Variants in PCDH7 observed in about 807,000 individuals in gnomAD.
PCDH7 encodes the protein protocadherin 7, also known as protocadherin-7.
PCDH7 carries 17 observed loss-of-function variants against 58.9 expected under a neutral mutation model. The ratio of observed to expected loss-of-function variants is 0.29; its 90% CI spans 0.20 to 0.43. The LOEUF (loss-of-function observed/expected upper bound fraction) is 0.43. Among genes scored for constraint, PCDH7 ranks in the 20% least tolerant of loss-of-function variants. The probability of loss-of-function intolerance (pLI) is 1.00; values close to 1 mark genes in which losing one functional copy is unlikely to be tolerated. For synonymous variants in PCDH7, 664 were observed against 616.4 expected, an observed-to-expected ratio of 1.08 and a Z score of -1.14; for missense variants, 1,274 against 1,441.0, an observed-to-expected ratio of 0.88 and a Z score of 1.88.
At chr4:30,866,697 C>CAAA (rs201849602) in intron 1 of PCDH7, among the ~76,000 whole-genome samples, 1 of 127,868 alleles carries the variant, frequency 7.8e-6, no homozygotes, top group African/African-American at 2.8e-5. Flanking sequence ...GAATCTCTGG[C>CAAA]AAAAAAAAAA....
In PCDH7 at chr4:30,936,631, ATT is replaced by A. The variant is rs56159727; in HGVS notation, c.288-13480_288-13479del. On this transcript the variant is annotated intron_variant, in intron 2 of 3. Transcript: ENST00000509759. ...ATCTGTGTATTATAAACCACAATGC[ATT>A]TTTTTTTTGTTTTTTGCATAAAGCA... Among the ~76,000 whole-genome samples the A allele has an allele frequency of 4.4e-4, 66 of 149,176 alleles. No homozygotes were observed. The East Asian group carries it at 0.011, about 26-fold the overall frequency.
chr4:30,968,302 C>T (rs201502184), intron 3 of PCDH7, among the ~76,000 whole-genome samples: 1 of 80,312 alleles, frequency 1.2e-5, no homozygotes, highest in Non-Finnish European at 2.5e-5. Flanking sequence ...CTCTCTCTCT[C>T]TATATATATA....
rs369388403 is a variant in PCDH7, at chr4:30,721,954, G to A, written c.532G>A (p.Glu178Lys). Residue 178 changes from glutamate to lysine, a missense_variant, in exon 1 of 2, where the codon GAG becomes AAG. Transcript: ENST00000361762. This position sits in a 1 kb window ranked among gnomAD's most constrained non-coding sequence, Gnocchi z 6.7. ...CCGCGACTTCGGCCGCAACGGCATC[G>A]AGCGCTACGAGCTGCTCCAGGAGCC... 3.9e-6 allele frequency: 6 copies of A among 1,540,044 alleles called. No homozygotes were observed. In the South Asian group the frequency reaches 4.8e-5, roughly 12 times the overall value.
intron 3 of PCDH7, among the ~76,000 whole-genome samples, chr4:30,968,392 ATAT>A (rs1749234534): frequency 1.2e-5 from 1 of 84,494 alleles, no homozygotes; most frequent in African/African-American, 5.6e-5. Flanking sequence ...ATATATATAT[ATAT>A]ATATATATAT....
At chr4:30,996,704 A>G (rs982431057) in intron 3 of PCDH7, among the ~76,000 whole-genome samples, 3 of 152,194 alleles carry the variant, frequency 2.0e-5, no homozygotes, top group Admixed American at 6.5e-5. Flanking sequence ...GATTAGACAT[A>G]TTTCACCATT....
intron 3 of PCDH7, among the ~76,000 whole-genome samples, chr4:31,000,820 C>T (rs7667888): frequency 0.53 from 80,209 of 151,896 alleles, 25,133 homozygotes; most frequent in African/African-American, 0.87. Flanking sequence ...TAAATGGTGG[C>T]TCTTACAGCT....
Position 30,849,055 on chromosome 4 carries a change from C to T in PCDH7, c.71-71098C>T, listed in dbSNP as rs183297426. Among the ~76,000 whole-genome samples, 940 of 152,176 alleles carry T rather than the reference C, an allele frequency of 6.2e-3. 10 individuals are homozygous for T. Among genetic ancestry groups the T allele is most frequent in the Non-Finnish European group, 0.01 (704 of 67,998 alleles). On this transcript the variant is annotated intron_variant, in intron 1 of 3. Transcript: ENST00000509759. ...AATAACACTTATGGCCTTTAACATTCCATTCTAACTAAACACATTCACTTA... is the reference window on the plus strand; with the variant it reads ...AATAACACTTATGGCCTTTAACATTTCATTCTAACTAAACACATTCACTTA...
At chr4:30,916,667 C>G (rs1483738644) in intron 1 of PCDH7, among the ~76,000 whole-genome samples, 6 of 152,168 alleles carry the variant, frequency 3.9e-5, no homozygotes. Flanking sequence ...TATGACCATA[C>G]TTTTAAGTCT....
chr4:30,830,518 C>T (rs1412769422), intron 1 of PCDH7, among the ~76,000 whole-genome samples: 1 of 151,946 alleles, frequency 6.6e-6, no homozygotes, highest in African/African-American at 2.4e-5. Flanking sequence ...TTTTAATCAT[C>T]CTTCACGCTC....
chr4:30,997,283 C>G (rs925877846), intron 3 of PCDH7, among the ~76,000 whole-genome samples: 1 of 151,916 alleles, frequency 6.6e-6, no homozygotes, highest in African/African-American at 2.4e-5. Flanking sequence ...AAGTATAGAA[C>G]TATTAATAAT....
chr4:30,951,876 G>A (rs780674759), intron 3 of PCDH7, among the ~76,000 whole-genome samples: 1 of 152,148 alleles, frequency 6.6e-6, no homozygotes, highest in Non-Finnish European at 1.5e-5. Flanking sequence ...CTCACCTCTT[G>A]AGTTACTAGA....
At chr4:30,747,750 A>G (rs1216071547) in intron 1 of PCDH7, among the ~76,000 whole-genome samples, 1 of 152,230 alleles carries the variant, frequency 6.6e-6, no homozygotes, top group Non-Finnish European at 1.5e-5. Flanking sequence ...GTAAGGTAAC[A>G]TATTCACAGG....
chr4:30,841,651 G>A (rs780819317), intron 1 of PCDH7, among the ~76,000 whole-genome samples: 6 of 152,002 alleles, frequency 3.9e-5, no homozygotes, highest in Non-Finnish European at 7.4e-5. Context: ...TGTAAATGTG[G>A]GTTTGGAGTT....
intron 3 of PCDH7, among the ~76,000 whole-genome samples, chr4:31,069,945 C>T (rs771549611): frequency 3.1e-5 from 4 of 128,198 alleles, no homozygotes; most frequent in East Asian, 2.2e-4. Context: ...CTTTTAAAAG[C>T]TGACATATTG....
At chr4:30,943,115 A>G (rs1746253404) in intron 2 of PCDH7, among the ~76,000 whole-genome samples, 1 of 151,992 alleles carries the variant, frequency 6.6e-6, no homozygotes, top group Admixed American at 6.6e-5. Context: ...GGATATTATC[A>G]TATTTCTATT....
intron 1 of PCDH7, among the ~76,000 whole-genome samples, chr4:30,882,575 A>G (rs745477701): frequency 6.6e-6 from 1 of 152,132 alleles, no homozygotes; most frequent in Non-Finnish European, 1.5e-5. Flanking sequence ...CTAGTGTTTC[A>G]GAGGATGTTA....
At chr4:31,025,224 A>G (rs1294913253) in intron 3 of PCDH7, among the ~76,000 whole-genome samples, 1 of 152,222 alleles carries the variant, frequency 6.6e-6, no homozygotes, top group Non-Finnish European at 1.5e-5. Flanking sequence ...ACATTTTTTC[A>G]GTATTTTCAG....
At chr4:30,928,362 T>A (rs989044139) in intron 2 of PCDH7, among the ~76,000 whole-genome samples, 1 of 152,222 alleles carries the variant, frequency 6.6e-6, no homozygotes, top group South Asian at 2.1e-4. Context: ...ATTTTTTGCT[T>A]TGCTAATAAA....
At chr4:30,920,725 C>T (rs1340068286) in intron 2 of PCDH7, among the ~76,000 whole-genome samples, 2 of 152,134 alleles carry the variant, frequency 1.3e-5, no homozygotes, top group African/African-American at 4.8e-5. Flanking sequence ...TGTCATGCAA[C>T]TATTTCTTCA....
Sources: allele counts gnomAD v4.1 joint callset (sites outside exome capture counted in the v4.1 genomes callset), GRCh38; gene constraint gnomAD v4.1.1; non-coding constraint Gnocchi (gnomAD v3.1); transcripts MANE v1.5; gene names NCBI Gene and HGNC (gene_info 2026-07-23, HGNC 2026-07-21).